Variants in PDZD2 observed in about 807,000 individuals in gnomAD.
PDZD2 encodes PDZ domain containing 2, also known as PDZ domain-containing protein 2.
PDZD2 carries 90 observed loss-of-function variants against 220.7 expected under a neutral mutation model. That is an observed-to-expected ratio of 0.41 (90% CI 0.34 to 0.49). PDZD2 has a LOEUF of 0.49. Among genes scored for constraint, PDZD2 ranks in the 20% least tolerant of loss-of-function variants. PDZD2 has a pLI of 0.28. For synonymous variants in PDZD2, 1,375 were observed against 1,450.5 expected (o/e 0.95, Z 1.18); for missense variants, 3,174 against 3,608.5 (o/e 0.88, Z 3.08).
intron 24 of PDZD2, among the ~76,000 whole-genome samples, chr5:32,105,763 T>TA (rs780632215): frequency 6.6e-6 from 1 of 152,236 alleles, no homozygotes; most frequent in Non-Finnish European, 1.5e-5. Context: ...AGGACAATTT[T>TA]AAAAAATCTA....
intron 1 of PDZD2, among the ~76,000 whole-genome samples, chr5:31,681,586 T>C (rs1193213706): frequency 6.6e-6 from 1 of 151,714 alleles, no homozygotes; most frequent in Non-Finnish European, 1.5e-5. Flanking sequence ...ATATGTATAA[T>C]ATAATATATA....
chr5:31,869,240 G>A (rs1738518374), intron 2 of PDZD2, among the ~76,000 whole-genome samples: 1 of 152,154 alleles, frequency 6.6e-6, no homozygotes, highest in Non-Finnish European at 1.5e-5. Flanking sequence ...TGTGCGGGAG[G>A]AACCTGTGCT....
intron 2 of PDZD2, among the ~76,000 whole-genome samples, chr5:31,962,033 A>G (rs1748288435): frequency 1.3e-5 from 2 of 152,214 alleles, no homozygotes; most frequent in African/African-American, 4.8e-5. Context: ...CAGGGTATCA[A>G]TAGTCTCTGA....
At chr5:32,002,669 CCACACACACACCAA>C (rs1314203019) in intron 5 of PDZD2, among the ~76,000 whole-genome samples, 15 of 123,192 alleles carry the variant, frequency 1.2e-4, no homozygotes, top group Non-Finnish European at 1.8e-4. Context: ...CACACACACA[CCACACACACACCAA>C]CACACACCAC....
rs972426930 is a variant in PDZD2, at chr5:31,990,126, C to T, written c.979-5450C>T. 5.3e-5 allele frequency among the ~76,000 whole-genome samples: 8 copies of T among 152,180 alleles called. No homozygotes were observed. In the South Asian group the frequency reaches 8.3e-4, roughly 16 times the overall value. On this transcript the variant is annotated intron_variant, in intron 3 of 24. Transcript: ENST00000438447. ...TTCAGAAAAGGTTTGCAACTAGCGCCGGAGTATTTACGGCAGCAAGATTCT... is the reference window on the plus strand; with the variant it reads ...TTCAGAAAAGGTTTGCAACTAGCGCTGGAGTATTTACGGCAGCAAGATTCT...
chr5:31,677,615 TAAAAAAAAAAAAAAA>T (rs772919181), intron 1 of PDZD2, among the ~76,000 whole-genome samples: 9,720 of 128,046 alleles, frequency 0.076, 4,700 homozygotes, highest in East Asian at 0.11. Flanking sequence ...GACTCCGTCT[TAAAAAAAAAAAAAAA>T]AAAAAAAAAA....
intron 2 of PDZD2, among the ~76,000 whole-genome samples, chr5:31,977,386 T>C (rs971458656): frequency 1.3e-5 from 2 of 152,212 alleles, no homozygotes; most frequent in Admixed American, 6.5e-5. Flanking sequence ...ATAGATAAAT[T>C]GTGTATGTCT....
In PDZD2 at chr5:31,995,727, A is replaced by G. The variant is rs773491690; in HGVS notation, c.1121+9A>G. On this transcript the variant is annotated intron_variant, in intron 4 of 24. Coordinates refer to ENST00000438447, the MANE Select transcript of PDZD2 (RefSeq NM_178140.4). ...GGAGGTGCCGCTCACAGGTGACTAG[A>G]TAACTCTCCCCTCTCCCCCATCCCT... 1 of 1,612,382 alleles carries G rather than the reference A, an allele frequency of 6.2e-7. No homozygotes were observed. Among genetic ancestry groups the G allele is most frequent in the Non-Finnish European group, 8.5e-7 (1 of 1,179,544 alleles).
intron 1 of PDZD2, among the ~76,000 whole-genome samples, chr5:31,779,187 A>C (rs1049631280): frequency 6.6e-6 from 1 of 151,986 alleles, no homozygotes; most frequent in African/African-American, 2.4e-5. Context: ...CACACCCTGC[A>C]CTGCGCACAC....
intron 2 of PDZD2, among the ~76,000 whole-genome samples, chr5:31,916,822 A>C (rs1220494801): frequency 2.0e-5 from 3 of 152,202 alleles, no homozygotes; most frequent in Non-Finnish European, 2.9e-5. Context: ...GGGGGCTTAC[A>C]GGCTTGATGG....
chr5:31,740,362 TC>T (rs200223715), intron 1 of PDZD2, among the ~76,000 whole-genome samples: 35,629 of 126,488 alleles, frequency 0.28, 4,413 homozygotes, highest in East Asian at 0.35. Flanking sequence ...CTACTAAAAA[TC>T]AAAAAAAAAA....
At chr5:31,898,817 T>TG (rs1721605622) in intron 2 of PDZD2, among the ~76,000 whole-genome samples, 1 of 150,686 alleles carries the variant, frequency 6.6e-6, no homozygotes, top group Non-Finnish European at 1.5e-5. Context: ...TCTTTTTTTT[T>TG]TTTTTTTTTG....
At chr5:31,752,089 T>TTTTTTTTTTTTTTTA (rs1169621744) in intron 1 of PDZD2, among the ~76,000 whole-genome samples, 2 of 141,102 alleles carry the variant, frequency 1.4e-5, no homozygotes, top group Admixed American at 7.2e-5. Flanking sequence ...TTTTTTTTTT[T>TTTTTTTTTTTTTTTA]TCTGAGACAA....
intron 1 of PDZD2, among the ~76,000 whole-genome samples, chr5:31,730,592 G>GTGTGTGGTGTGT (rs3222598): frequency 8.3e-6 from 1 of 121,172 alleles, no homozygotes; most frequent in South Asian, 2.8e-4. Flanking sequence ...GTGTGTGTGT[G>GTGTGTGGTGTGT]GTGTGTGTGT....
At chr5:31,915,985 AG>A (rs1419825233) in intron 2 of PDZD2, among the ~76,000 whole-genome samples, 3 of 152,008 alleles carry the variant, frequency 2.0e-5, no homozygotes, top group African/African-American at 7.2e-5. Context: ...ACAGTGGGAG[AG>A]AGAATGTTGG....
At chr5:31,978,886 G>T (rs114504414) in intron 2 of PDZD2, among the ~76,000 whole-genome samples, 2,148 of 152,130 alleles carry the variant, frequency 0.014, 53 homozygotes, top group African/African-American at 0.048. Flanking sequence ...AGGTGACAGG[G>T]TCTTATTTAT....
At chr5:32,106,873 T>C (rs1477730769) in intron 24 of PDZD2, among the ~76,000 whole-genome samples, 3 of 152,256 alleles carry the variant, frequency 2.0e-5, no homozygotes, top group East Asian at 3.8e-4. Flanking sequence ...AGGGCTGATA[T>C]TGGTGAGGTC....
chr5:31,887,272 C>T (rs534550088), intron 2 of PDZD2, among the ~76,000 whole-genome samples: 3 of 152,154 alleles, frequency 2.0e-5, no homozygotes, highest in East Asian at 1.9e-4. Flanking sequence ...CACACAAAAT[C>T]GATATGTAGT....
chr5:31,902,962 A>G (rs1032676816), intron 2 of PDZD2, among the ~76,000 whole-genome samples: 10 of 152,220 alleles, frequency 6.6e-5, no homozygotes, highest in Admixed American at 6.5e-4. Flanking sequence ...AGATGGAAAG[A>G]AATGTTCTGC....
Sources: allele counts gnomAD v4.1 joint callset (sites outside exome capture counted in the v4.1 genomes callset), GRCh38; gene constraint gnomAD v4.1.1; transcripts MANE v1.5; gene names NCBI Gene and HGNC (gene_info 2026-07-23, HGNC 2026-07-21).